The following SLC6A20 variants were observed in gnomAD, a reference collection of about 807,000 sequenced individuals.
SLC6A20 encodes sodium- and chloride-dependent transporter XTRP3.
In SLC6A20, 73 loss-of-function variants were observed where a neutral mutation model predicts 64.3. The observed-to-expected ratio is 1.14, with a 90% confidence interval of 0.94 to 1.38. The LOEUF is 1.38. Among genes scored for constraint, SLC6A20 ranks in the 40% most tolerant of loss-of-function variants. The probability of loss-of-function intolerance (pLI) is 0.00; values close to 1 mark genes in which losing one functional copy is unlikely to be tolerated. For missense variants in SLC6A20, 725 were observed against 772.8 expected (o/e 0.94, Z 0.73); for synonymous variants, 347 against 329.6 (o/e 1.05, Z -0.57).
Position 45,772,648 on chromosome 3 carries a change from G to A in SLC6A20, c.583-33C>T, listed in dbSNP as rs545468448. ...CATCAGAGGGCAGAGTTGGCCTCCC[G>A]GAGCAGTGGGGTCCACAGGACAGAC... On this transcript the variant is annotated intron_variant, in intron 4 of 10. Coordinates refer to ENST00000358525, the MANE Select transcript of SLC6A20 (RefSeq NM_020208.4). 7 of 1,555,318 alleles carry A rather than the reference G, an allele frequency of 4.5e-6. No individual in the cohort carries two copies. The Admixed American group carries it at 5.2e-5, about 12-fold the overall frequency.
Position 45,763,082 on chromosome 3 carries a change from A to G in SLC6A20, c.1304-10T>C. ...ACAAGGCACACCAGACCTGGGGGCC[A>G]CAAGACCAGCTGCTCACCTGCCCGA... is the stretch of plus-strand genomic sequence containing the variant. On this transcript the variant is annotated splice_polypyrimidine_tract_variant and intron_variant, in intron 8 of 10. Coordinates refer to ENST00000358525, the MANE Select transcript of SLC6A20 (RefSeq NM_020208.4). 1 of 1,613,726 alleles carries G rather than the reference A, an allele frequency of 6.2e-7. No individual in the cohort carries two copies.
At chr3:45,773,471 T>TAACTGTTACAA (rs1334879218) in intron 4 of SLC6A20, among the ~76,000 whole-genome samples, 3 of 151,938 alleles carry the variant, frequency 2.0e-5, no homozygotes, top group Non-Finnish European at 4.4e-5. Flanking sequence ...TGGGTGATTC[T>TAACTGTTACAA]AACTGTTACA....
chr3:45,763,231 GGTGTGTGCCACGT>G (rs1456882421), intron 8 of SLC6A20, among the ~76,000 whole-genome samples, 159 bp from the exon 9 acceptor site: 2 of 152,232 alleles, frequency 1.3e-5, no homozygotes, highest in Non-Finnish European at 2.9e-5. Flanking sequence ...ACTCTCTGAA[GGTGTGTGCCACGT>G]GTGTGGGGCA....
intron 7 of SLC6A20, among the ~76,000 whole-genome samples, chr3:45,768,013 G>C (rs1410453288): frequency 6.6e-6 from 1 of 152,202 alleles, no homozygotes; most frequent in African/African-American, 2.4e-5. Flanking sequence ...CTTTGGAGAT[G>C]CTGGGATGCA....
intron 9 of SLC6A20, among the ~76,000 whole-genome samples, chr3:45,762,677 T>C (rs1190166093): frequency 6.6e-6 from 1 of 152,256 alleles, no homozygotes; most frequent in Non-Finnish European, 1.5e-5. Flanking sequence ...AAACAGCCTA[T>C]GATACAAAGC....
intron 1 of SLC6A20, among the ~76,000 whole-genome samples, chr3:45,788,500 A>AGC (rs1372196725): frequency 6.6e-6 from 1 of 152,200 alleles, no homozygotes; most frequent in African/African-American, 2.4e-5. Flanking sequence ...GTACATTGAA[A>AGC]GCACTCACTA....
At chr3:45,766,086 C>T (rs891092124) in intron 7 of SLC6A20, among the ~76,000 whole-genome samples, 3 of 152,162 alleles carry the variant, frequency 2.0e-5, no homozygotes, top group Admixed American at 1.3e-4. Flanking sequence ...CTGAAACCTC[C>T]GTGGCTGGGA....
Position 45,758,346 on chromosome 3 carries a change from AT to A in SLC6A20, c.*631del. The A allele has an allele frequency of 1.8e-6, 2 of 1,140,700 alleles. No individual in the cohort carries two copies. Among genetic ancestry groups the A allele is most frequent in the African/African-American group, 1.6e-5 (1 of 61,634 alleles). 70.7% of individuals were successfully genotyped at this position (1,140,700 alleles called of 1,614,324 possible). A position where few individuals can be genotyped will look rare whatever the true frequency, so the allele number is the denominator to read the frequency against. On this transcript the variant is annotated 3_prime_UTR_variant, in exon 11 of 11. Coordinates refer to ENST00000358525, the MANE Select transcript of SLC6A20 (RefSeq NM_020208.4). ...GGGGTTGCAAACTGTAGTTGGGGCA[AT>A]TTTTTGTAGAGAGGTCTGGTCCTGG... is the stretch of plus-strand genomic sequence containing the variant.
chr3:45,759,464 G>A (rs1256418144), intron 10 of SLC6A20, among the ~76,000 whole-genome samples: 7 of 152,230 alleles, frequency 4.6e-5, no homozygotes, highest in Admixed American at 3.3e-4. Flanking sequence ...AACTGTAGGC[G>A]ACTACTCTTA....
chr3:45,781,168 C>T (rs942480239), intron 2 of SLC6A20, among the ~76,000 whole-genome samples: 3 of 150,758 alleles, frequency 2.0e-5, no homozygotes, highest in Non-Finnish European at 2.9e-5. Context: ...TGCAGTGAGC[C>T]GAGATTGTGC....
chr3:45,763,467 CAG>C (rs1005657573), intron 8 of SLC6A20, among the ~76,000 whole-genome samples: 6 of 152,314 alleles, frequency 3.9e-5, no homozygotes, highest in Admixed American at 6.5e-5. Flanking sequence ...AGAAATGAAT[CAG>C]GGGAGGAGGC....
intron 1 of SLC6A20, among the ~76,000 whole-genome samples, chr3:45,783,603 T>A (rs1316252177): frequency 2.0e-5 from 3 of 152,222 alleles, no homozygotes; most frequent in African/African-American, 7.2e-5. Flanking sequence ...AGCTGTGAAA[T>A]GAAGCCTGGT....
At chr3:45,782,253 C>T (rs758425655) in intron 1 of SLC6A20, 30 bp from the exon 2 acceptor site, 1 of 1,595,302 alleles carries the variant, frequency 6.3e-7, no homozygotes, top group Admixed American at 1.7e-5. Context: ...AGAGCCAGGC[C>T]ACCACCAAAA....
chr3:45,759,096 T>C lies in SLC6A20; in HGVS notation c.1661A>G (p.Tyr554Cys), dbSNP rs1351029562. The C allele has an allele frequency of 3.1e-6, 5 of 1,611,902 alleles. No individual in the cohort carries two copies. In the East Asian group the frequency reaches 8.9e-5, roughly 29 times the overall value. ...AAGCAGCCCGATGACAGCCAGTGCATAGGCCGGGTAATCTTTGGTCACGAG... is the reference window on the plus strand; with the variant it reads ...AAGCAGCCCGATGACAGCCAGTGCACAGGCCGGGTAATCTTTGGTCACGAG... ...GQLVTKDYPA[Y>C]ALAVIGLLVA... The change falls in exon 11 of 11, where the codon TAT becomes TGT. Residue 554 changes from tyrosine to cysteine, a missense_variant. Coordinates refer to ENST00000358525, the MANE Select transcript of SLC6A20 (RefSeq NM_020208.4).
chr3:45,761,263 T>G (rs953795595), intron 9 of SLC6A20, among the ~76,000 whole-genome samples: 1 of 138,264 alleles, frequency 7.2e-6, no homozygotes, highest in African/African-American at 2.8e-5. Context: ...TGGGAAGAGC[T>G]GGCTGCAGAA....
rs537313746 is a variant in SLC6A20, at chr3:45,788,669, C to T, written c.122-6446G>A. Among the ~76,000 whole-genome samples, 22 of 152,318 alleles carry T rather than the reference C, an allele frequency of 1.4e-4. No homozygotes were observed. The East Asian group carries it at 3.1e-3, about 21-fold the overall frequency. ...AAAATAAAATTGGCTGCAGAGTTCTCCTTTGCAGAAATGAAAATCTGAAAA... is the reference window on the plus strand; with the variant it reads ...AAAATAAAATTGGCTGCAGAGTTCTTCTTTGCAGAAATGAAAATCTGAAAA... On this transcript the variant is annotated intron_variant, in intron 1 of 10. Coordinates refer to ENST00000358525, the MANE Select transcript of SLC6A20 (RefSeq NM_020208.4).
chr3:45,783,259 A>T (rs1700125512), intron 1 of SLC6A20, among the ~76,000 whole-genome samples: 1 of 152,224 alleles, frequency 6.6e-6, no homozygotes, highest in Admixed American at 6.5e-5. Flanking sequence ...AGAGGGCAGG[A>T]CTTCTGATCA....
chr3:45,788,287 G>T (rs1337887474), intron 1 of SLC6A20, among the ~76,000 whole-genome samples: 1 of 150,572 alleles, frequency 6.6e-6, no homozygotes, highest in Non-Finnish European at 1.5e-5. Context: ...AAAAGAAAAA[G>T]AAAGCTATCC....
rs1246221070 is a variant in SLC6A20, at chr3:45,796,444, T to C, written c.-25A>G. The C allele has an allele frequency of 6.2e-7, 1 of 1,602,372 alleles. No homozygotes were observed. Among genetic ancestry groups the C allele is most frequent in the Non-Finnish European group, 8.5e-7 (1 of 1,174,932 alleles). ...TGGCCCCGGCCTCGGCGCGCTCGGC[T>C]CCGGCTCGGGGGTCCGGCACGGCAG... On this transcript the variant is annotated 5_prime_UTR_variant, in exon 1 of 11. Coordinates refer to ENST00000358525, the MANE Select transcript of SLC6A20 (RefSeq NM_020208.4).
Sources: gnomAD v4.1 joint callset for allele counts (sites outside exome capture counted in the v4.1 genomes callset) on GRCh38, gnomAD v4.1.1 for gene constraint, MANE v1.5 for transcripts, NCBI Gene and HGNC (gene_info 2026-07-23, HGNC 2026-07-21) for gene names.